The following PDE4D variants were observed in gnomAD, a reference collection of about 807,000 sequenced individuals.
The protein encoded by PDE4D is phosphodiesterase 4D, also known as 3',5'-cyclic-AMP phosphodiesterase 4D.
PDE4D carries 24 observed loss-of-function variants against 87.4 expected under a neutral mutation model. The ratio of observed to expected loss-of-function variants is 0.27; its 90% confidence interval spans 0.20 to 0.39. The LOEUF (loss-of-function observed/expected upper bound fraction) is 0.39. Among genes scored for constraint, PDE4D ranks in the 10% least tolerant of loss-of-function variants. PDE4D has a pLI of 1.00. For synonymous variants in PDE4D, 384 were observed against 383.2 expected, an observed-to-expected ratio of 1.00 and a Z score of -0.02; for missense variants, 714 against 1,041.0, an observed-to-expected ratio of 0.69 and a Z score of 4.32.
intron 2 of PDE4D, among the ~76,000 whole-genome samples, chr5:59,197,813 C>G (rs1745800067): frequency 6.6e-6 from 1 of 152,118 alleles, no homozygotes; most frequent in South Asian, 2.1e-4. Flanking sequence ...ATCACATATG[C>G]TCAAAAAAAT....
intron 1 of PDE4D, among the ~76,000 whole-genome samples, chr5:60,350,272 G>A (rs529155591): frequency 1.9e-4 from 29 of 152,300 alleles, no homozygotes; most frequent in African/African-American, 3.8e-4. Context: ...GTGCACTTCC[G>A]TGTCTTCCCA....
intron 6 of PDE4D, among the ~76,000 whole-genome samples, chr5:59,031,405 T>TAG (rs1757462926): frequency 9.5e-6 from 1 of 105,554 alleles, no homozygotes; most frequent in Non-Finnish European, 2.0e-5. Context: ...TATATATATA[T>TAG]ATATATATAT....
intron 1 of PDE4D, among the ~76,000 whole-genome samples, chr5:60,187,541 C>T (rs907144359): frequency 1.3e-5 from 2 of 152,186 alleles, no homozygotes; most frequent in Non-Finnish European, 2.9e-5. Context: ...GCTAGTGACT[C>T]AATGGTAACA....
At position 60,435,367 on chromosome 5, in the gene PDE4D, C is replaced by G. The variant is rs188457941; in HGVS notation, c.-90+52575G>C. 2.6e-5 allele frequency among the ~76,000 whole-genome samples: 4 copies of G among 152,142 alleles called. No homozygotes were observed. The East Asian group carries it at 7.7e-4, about 29-fold the overall frequency. ...TTGATAGACACAACTTAACATATAA[C>G]TTAAATGTTTAAATTTCCAGAGAAT... On this transcript the variant is annotated intron_variant, in intron 1 of 16. Transcript: ENST00000502484.
chr5:59,664,145 A>G (rs1745686496), intron 1 of PDE4D, among the ~76,000 whole-genome samples: 1 of 152,178 alleles, frequency 6.6e-6, no homozygotes, highest in African/African-American at 2.4e-5. Context: ...CTCAGTTCCC[A>G]AAGATGGATG....
At chr5:60,329,696 G>A (rs1289536183) in intron 1 of PDE4D, among the ~76,000 whole-genome samples, 1 of 151,842 alleles carries the variant, frequency 6.6e-6, no homozygotes, top group Non-Finnish European at 1.5e-5. Context: ...TAGGGAGATA[G>A]GAAGCTTCTG....
chr5:59,595,315 A>G (rs533785677), intron 1 of PDE4D, among the ~76,000 whole-genome samples: 10 of 152,326 alleles, frequency 6.6e-5, no homozygotes, highest in African/African-American at 1.9e-4. Flanking sequence ...CTTTTTAAAG[A>G]GGAAACATTA....
At chr5:60,413,529 G>C (rs1048566690) in intron 1 of PDE4D, among the ~76,000 whole-genome samples, 1 of 152,160 alleles carries the variant, frequency 6.6e-6, no homozygotes, top group African/African-American at 2.4e-5. Flanking sequence ...CAGGAACGCA[G>C]TGGTGCACAC....
At chr5:59,709,805 T>C (rs73758862) in intron 1 of PDE4D, among the ~76,000 whole-genome samples, 10,204 of 152,204 alleles carry the variant, frequency 0.067, 1,061 homozygotes, top group African/African-American at 0.22. Context: ...GCTTAGATCC[T>C]ACAACCAGTT....
intron 1 of PDE4D, among the ~76,000 whole-genome samples, chr5:59,724,032 T>C (rs898400195): frequency 4.6e-5 from 7 of 152,136 alleles, no homozygotes; most frequent in African/African-American, 1.4e-4. Context: ...AGACTTCTTT[T>C]ATTCTTGACT....
At chr5:59,824,764 C>A (rs76854782) in intron 1 of PDE4D, among the ~76,000 whole-genome samples, 2,303 of 152,216 alleles carry the variant, frequency 0.015, 60 homozygotes, top group African/African-American at 0.052. Context: ...ACATGCAATG[C>A]CCTCTCTCTG....
chr5:60,375,332 C>G (rs1221643028), intron 1 of PDE4D, among the ~76,000 whole-genome samples: 1 of 152,156 alleles, frequency 6.6e-6, no homozygotes, highest in Non-Finnish European at 1.5e-5. Flanking sequence ...ATGCTCCCTA[C>G]CCCTATTTGT....
chr5:59,066,923 G>A (rs951209863), intron 5 of PDE4D, among the ~76,000 whole-genome samples: 1 of 151,970 alleles, frequency 6.6e-6, no homozygotes, highest in Non-Finnish European at 1.5e-5. Context: ...CCTTGACCTT[G>A]GACATTCTAG....
intron 1 of PDE4D, among the ~76,000 whole-genome samples, chr5:59,691,184 C>G (rs1272588280): frequency 1.3e-5 from 2 of 152,170 alleles, no homozygotes; most frequent in Non-Finnish European, 2.9e-5. Context: ...GGATCTTGAA[C>G]TAGAAATACT....
intron 3 of PDE4D, among the ~76,000 whole-genome samples, chr5:59,968,148 C>CTAA (rs1760270475): frequency 6.6e-6 from 1 of 151,898 alleles, no homozygotes; most frequent in South Asian, 2.1e-4. Context: ...CCACGCCTGG[C>CTAA]TAATTTTGTA....
At chr5:59,400,848 CA>C (rs1790479491) in intron 1 of PDE4D, among the ~76,000 whole-genome samples, 1 of 152,028 alleles carries the variant, frequency 6.6e-6, no homozygotes, top group African/African-American at 2.4e-5. Context: ...GTAATACCAA[CA>C]AAAATAATAG....
At chr5:60,414,360 T>A (rs919868991) in intron 1 of PDE4D, among the ~76,000 whole-genome samples, 2 of 152,202 alleles carry the variant, frequency 1.3e-5, no homozygotes, top group African/African-American at 4.8e-5. Flanking sequence ...AAAACTCTAT[T>A]AAGATTTTTT....
At chr5:59,606,130 G>A (rs959813873) in intron 1 of PDE4D, among the ~76,000 whole-genome samples, 6 of 151,942 alleles carry the variant, frequency 3.9e-5, no homozygotes, top group African/African-American at 1.4e-4. Context: ...TCAGAGCAAT[G>A]TGCTAGGAAA....
At chr5:60,093,622 G>C (rs1403474109) in intron 2 of PDE4D, among the ~76,000 whole-genome samples, 5 of 152,106 alleles carry the variant, frequency 3.3e-5, no homozygotes, top group Non-Finnish European at 5.9e-5. Context: ...TAGGACTAGA[G>C]AGTAGGAAAT....
Sources: allele counts gnomAD v4.1 joint callset (sites outside exome capture counted in the v4.1 genomes callset), GRCh38; gene constraint gnomAD v4.1.1; transcripts MANE v1.5; gene names NCBI Gene and HGNC (gene_info 2026-07-23, HGNC 2026-07-21).